Variants in C8orf34 observed in about 807,000 individuals in gnomAD.
C8orf34 encodes chromosome 8 open reading frame 34.
A neutral mutation model predicts 68.3 loss-of-function variants in C8orf34; 65 were observed. That is an observed-to-expected ratio of 0.95 (90% CI 0.78 to 1.17). The LOEUF (loss-of-function observed/expected upper bound fraction) is 1.17, where lower values mean the gene tolerates loss of function less well. Ranked by LOEUF, C8orf34 falls within the 50% of genes most tolerant of loss-of-function variation. C8orf34 has a pLI of 0.00. For synonymous variants in C8orf34, 244 were observed against 241.2 expected, an observed-to-expected ratio of 1.01 and a Z score of -0.11; for missense variants, 664 against 655.4, an observed-to-expected ratio of 1.01 and a Z score of -0.14.
intron 10 of C8orf34, among the ~76,000 whole-genome samples, chr8:68,736,231 G>A (rs938441111): frequency 8.5e-5 from 13 of 152,172 alleles, no homozygotes; most frequent in African/African-American, 3.1e-4. Flanking sequence ...AAAATAGACT[G>A]TAGCAAGGCA....
chr8:68,672,824 A>G (rs1190616450), intron 8 of C8orf34, among the ~76,000 whole-genome samples: 1 of 152,132 alleles, frequency 6.6e-6, no homozygotes, highest in African/African-American at 2.4e-5. Context: ...TCCTCTCCCA[A>G]CCTCAAGCAG....
At chr8:68,804,808 T>C (rs545931639) in intron 12 of C8orf34, among the ~76,000 whole-genome samples, 42 of 151,978 alleles carry the variant, frequency 2.8e-4, no homozygotes, top group Middle Eastern at 3.4e-3. Context: ...AACAAACAAA[T>C]AAATAAATAA....
At chr8:68,643,537 C>T (rs1429387431) in intron 8 of C8orf34, among the ~76,000 whole-genome samples, 1 of 152,088 alleles carries the variant, frequency 6.6e-6, no homozygotes, top group Non-Finnish European at 1.5e-5. Flanking sequence ...CTGAGAAGTC[C>T]AAGATCAAGG....
At chr8:68,734,269 A>T (rs1301492333) in intron 10 of C8orf34, among the ~76,000 whole-genome samples, 1 of 152,096 alleles carries the variant, frequency 6.6e-6, no homozygotes, top group Non-Finnish European at 1.5e-5. Flanking sequence ...TGACAAGAAT[A>T]TCTCAGCCTG....
At chr8:68,784,840 T>C (rs1159406354) in intron 11 of C8orf34, among the ~76,000 whole-genome samples, 5 of 151,822 alleles carry the variant, frequency 3.3e-5, no homozygotes, top group Admixed American at 2.6e-4. Flanking sequence ...TCGAGTACTT[T>C]CTTGCTTTTT....
chr8:68,434,900 T>G (rs1810593840), intron 1 of C8orf34, among the ~76,000 whole-genome samples: 1 of 151,730 alleles, frequency 6.6e-6, no homozygotes, highest in Non-Finnish European at 1.5e-5. Context: ...CAAAAAATAA[T>G]TAGCTGGGCA....
chr8:68,675,638 C>T (rs1479489630), intron 8 of C8orf34, among the ~76,000 whole-genome samples: 1 of 150,734 alleles, frequency 6.6e-6, no homozygotes, highest in Non-Finnish European at 1.5e-5. Context: ...ATCACCTTCA[C>T]TAAAAGGAAG....
At chr8:68,364,888 C>G (rs569092517) in intron 1 of C8orf34, among the ~76,000 whole-genome samples, 3 of 152,132 alleles carry the variant, frequency 2.0e-5, no homozygotes, top group African/African-American at 7.2e-5. Context: ...CAAGAAATAA[C>G]TAAAATCAGA....
chr8:68,455,419 G>A (rs1811504768), intron 3 of C8orf34, among the ~76,000 whole-genome samples: 1 of 152,070 alleles, frequency 6.6e-6, no homozygotes, highest in Non-Finnish European at 1.5e-5. Flanking sequence ...AGGCTCTGCA[G>A]CTAGGTGTTT....
rs138555889 is a variant in C8orf34 at position 68,548,572 on chromosome 8, T to C, written c.1105+15423T>C. Among the ~76,000 whole-genome samples the C allele has an allele frequency of 2.7e-3, 403 of 151,854 alleles. 2 individuals are homozygous for C. The highest frequency in any genetic ancestry group is 9.3e-3 in the African/African-American group (386 of 41,528). On this transcript the variant is annotated intron_variant, in intron 7 of 13. Coordinates refer to ENST00000518698, the MANE Select transcript of C8orf34 (RefSeq NM_052958.4). Reference sequence around the variant, plus strand: ...GTGGAGCAGCTGGAATTCTCAAACATTGCTAATGGGAATGCAAAATTTTAC... The same window carrying C: ...GTGGAGCAGCTGGAATTCTCAAACACTGCTAATGGGAATGCAAAATTTTAC...
At chr8:68,689,274 G>A (rs1347043790) in intron 8 of C8orf34, among the ~76,000 whole-genome samples, 2 of 152,008 alleles carry the variant, frequency 1.3e-5, no homozygotes, top group Non-Finnish European at 2.9e-5. Context: ...ATGCAGGTGG[G>A]TGAAGGATAA....
chr8:68,777,818 A>G (rs183190237), intron 11 of C8orf34, among the ~76,000 whole-genome samples: 12 of 152,308 alleles, frequency 7.9e-5, no homozygotes, highest in Non-Finnish European at 1.5e-4. Flanking sequence ...ATAAATTTAT[A>G]TCTTGCTTAT....
chr8:68,392,268 T>A lies in C8orf34; in HGVS notation c.328-47231T>A, dbSNP rs1343094293. On this transcript the variant is annotated intron_variant, in intron 1 of 13. Coordinates refer to ENST00000518698, the MANE Select transcript of C8orf34 (RefSeq NM_052958.4). The stretch of plus-strand genomic sequence containing the variant: ...AACCTAATTTTATTTTATTTCTGTC[T>A]ATAGAGAAAATCATCCAAATGCCCT... Among the ~76,000 whole-genome samples the A allele has an allele frequency of 2.0e-5, 3 of 152,004 alleles. No individual in the cohort carries two copies. In the East Asian group the frequency reaches 5.8e-4, roughly 29 times the overall value.
chr8:68,399,418 C>G (rs78624407), intron 1 of C8orf34, among the ~76,000 whole-genome samples: 1 of 152,054 alleles, frequency 6.6e-6, no homozygotes, highest in Non-Finnish European at 1.5e-5. Context: ...CAGTATTTCT[C>G]TTTCTGTTTC....
chr8:68,742,824 C>A (rs1822342809), intron 10 of C8orf34, among the ~76,000 whole-genome samples: 1 of 152,206 alleles, frequency 6.6e-6, no homozygotes, highest in African/African-American at 2.4e-5. Flanking sequence ...GAACTCCTTA[C>A]AGCCTTCATT....
chr8:68,711,453 T>C (rs1585766068), intron 9 of C8orf34, among the ~76,000 whole-genome samples: 1 of 151,900 alleles, frequency 6.6e-6, no homozygotes, highest in African/African-American at 2.4e-5. Context: ...TTCAGTGAAA[T>C]AGGTAGCATA....
At chr8:68,347,287 A>G (rs550083036) in intron 1 of C8orf34, among the ~76,000 whole-genome samples, 3 of 152,290 alleles carry the variant, frequency 2.0e-5, no homozygotes, top group African/African-American at 4.8e-5. Flanking sequence ...TGCAAAAGAC[A>G]TGATCTCATT....
At chr8:68,683,003 A>T (rs1451477880) in intron 8 of C8orf34, among the ~76,000 whole-genome samples, 1 of 152,076 alleles carries the variant, frequency 6.6e-6, no homozygotes, top group Non-Finnish European at 1.5e-5. Flanking sequence ...AGCAAGGCAG[A>T]TTGACTGCCA....
intron 7 of C8orf34, among the ~76,000 whole-genome samples, chr8:68,565,356 C>T (rs1366956451): frequency 6.6e-6 from 1 of 152,106 alleles, no homozygotes; most frequent in Non-Finnish European, 1.5e-5. Flanking sequence ...TCAATCCCTC[C>T]CGAAGATAAA....
Sources: allele counts gnomAD v4.1 joint callset (sites outside exome capture counted in the v4.1 genomes callset), GRCh38; gene constraint gnomAD v4.1.1; transcripts MANE v1.5; gene names NCBI Gene and HGNC (gene_info 2026-07-23, HGNC 2026-07-21).